SMAD3: variants seen among roughly 807,000 people sequenced by gnomAD.
SMAD3 encodes the protein MAD homolog 3.
In SMAD3, 12 loss-of-function variants were observed where a neutral mutation model predicts 51.8. The ratio of observed to expected loss-of-function variants is 0.23; its 90% CI spans 0.15 to 0.38. The LOEUF is 0.38. Among genes scored for constraint, SMAD3 ranks in the 10% least tolerant of loss-of-function variants. The pLI, the probability that SMAD3 is intolerant of heterozygous loss-of-function variation, is 1.00. For missense variants in SMAD3, 294 were observed against 565.6 expected (o/e 0.52, Z 4.87); for synonymous variants, 238 against 227.7 (o/e 1.05, Z -0.41).
intron 1 of SMAD3, among the ~76,000 whole-genome samples, chr15:67,108,392 G>A (rs1301126366): frequency 6.6e-6 from 1 of 152,112 alleles, no homozygotes; most frequent in Admixed American, 6.5e-5. Context: ...CCTGTGCCAA[G>A]CCATTTCTTG....
At chr15:67,078,519 A>G (rs912707987) in intron 1 of SMAD3, among the ~76,000 whole-genome samples, 2 of 152,220 alleles carry the variant, frequency 1.3e-5, no homozygotes, top group Non-Finnish European at 2.9e-5. Context: ...TTAATGAGAG[A>G]CTAAAACAGC....
chr15:67,171,420 C>A (rs1015424879), intron 5 of SMAD3, among the ~76,000 whole-genome samples: 29 of 152,266 alleles, frequency 1.9e-4, no homozygotes, highest in Admixed American at 1.7e-3. Flanking sequence ...TGGCATGGAA[C>A]CTGCCAAAGG....
intron 1 of SMAD3, among the ~76,000 whole-genome samples, chr15:67,138,915 T>C (rs1027837271): frequency 1.3e-5 from 2 of 152,228 alleles, no homozygotes; most frequent in African/African-American, 4.8e-5. Flanking sequence ...ACTCTTTTAG[T>C]GGAATTTGAT....
chr15:67,103,724 C>T (rs74687525), intron 1 of SMAD3, among the ~76,000 whole-genome samples: 2,836 of 152,238 alleles, frequency 0.019, 84 homozygotes, highest in African/African-American at 0.064. Flanking sequence ...CATAGCACAA[C>T]AAGGAGCTGG....
intron 1 of SMAD3, among the ~76,000 whole-genome samples, chr15:67,150,956 A>G (rs1375265845): frequency 7.0e-6 from 1 of 142,180 alleles, no homozygotes; most frequent in Admixed American, 7.6e-5. Context: ...CCCAGGTTCA[A>G]GTGATTCTCT....
chr15:67,149,504 T>A (rs1962070189), intron 1 of SMAD3, among the ~76,000 whole-genome samples: 1 of 152,188 alleles, frequency 6.6e-6, no homozygotes, highest in Admixed American at 6.5e-5. Flanking sequence ...GAGGCCGGCT[T>A]AATCGAGGAG....
chr15:67,190,397 T>A lies in SMAD3; in HGVS notation c.1155-16T>A. 1 of 1,613,422 alleles carries A rather than the reference T, an allele frequency of 6.2e-7. No individual in the cohort carries two copies. Among genetic ancestry groups the A allele is most frequent in the East Asian group, 2.2e-5 (1 of 44,860 alleles). ...TTTTAAGTCCCCCACCCCACCCCTT[T>A]CCCTATTTCTTACAGGAGACAGACT... On this transcript the variant is annotated splice_polypyrimidine_tract_variant and intron_variant, in intron 8 of 8. Coordinates refer to ENST00000327367, the MANE Select transcript of SMAD3 (RefSeq NM_005902.4).
At chr15:67,162,663 C>A (rs1006861832) in intron 1 of SMAD3, among the ~76,000 whole-genome samples, 5 of 152,122 alleles carry the variant, frequency 3.3e-5, no homozygotes, top group Non-Finnish European at 4.4e-5. Flanking sequence ...ATGATCCCCT[C>A]TCCAGTCCTT....
intron 5 of SMAD3, among the ~76,000 whole-genome samples, chr15:67,180,134 C>G (rs1963012645): frequency 2.0e-5 from 3 of 152,126 alleles, no homozygotes; most frequent in Admixed American, 1.3e-4. Flanking sequence ...GGGCTCGCGC[C>G]CAGCAGTCAG....
chr15:67,138,132 T>C, intron 1 of SMAD3: 2 of 1,514,894 alleles, frequency 1.3e-6, no homozygotes, highest in Non-Finnish European at 1.8e-6. Flanking sequence ...ATGTCTTTTC[T>C]CTTTCTTGAA....
At chr15:67,086,104 A>C (rs199709659) in intron 1 of SMAD3, among the ~76,000 whole-genome samples, 1 of 146,492 alleles carries the variant, frequency 6.8e-6, no homozygotes, top group East Asian at 2.1e-4. Context: ...GGGGTGGTGC[A>C]GGGGGGTGGA....
intron 1 of SMAD3, among the ~76,000 whole-genome samples, chr15:67,157,549 C>T (rs1392887766): frequency 6.6e-6 from 1 of 152,218 alleles, no homozygotes; most frequent in African/African-American, 2.4e-5. Context: ...GTGCCTGGCA[C>T]GTAGTTCATG....
chr15:67,078,354 G>A (rs960840646), intron 1 of SMAD3, among the ~76,000 whole-genome samples: 1 of 152,182 alleles, frequency 6.6e-6, no homozygotes, highest in African/African-American at 2.4e-5. Flanking sequence ...CATATGGACC[G>A]TCTCTGGTCA....
intron 1 of SMAD3, among the ~76,000 whole-genome samples, chr15:67,106,501 C>T (rs968506031): frequency 6.6e-6 from 1 of 152,180 alleles, no homozygotes; most frequent in Non-Finnish European, 1.5e-5. Context: ...TACACTCTCT[C>T]ACAGAGACTG....
intron 1 of SMAD3, among the ~76,000 whole-genome samples, chr15:67,096,466 A>G (rs1483074640): frequency 5.3e-5 from 8 of 152,252 alleles, no homozygotes; most frequent in African/African-American, 1.9e-4. Flanking sequence ...TAAAACTGGC[A>G]TCACACAATA....
chr15:67,143,082 T>C (rs1291569526), intron 1 of SMAD3: 3 of 211,362 alleles, frequency 1.4e-5, no homozygotes, highest in East Asian at 1.6e-4. Context: ...CTTGGGATGC[T>C]TTGCCTGTCA....
chr15:67,162,249 C>A (rs1224761314), intron 1 of SMAD3, among the ~76,000 whole-genome samples: 1 of 152,138 alleles, frequency 6.6e-6, no homozygotes, highest in Non-Finnish European at 1.5e-5. Flanking sequence ...TGTATTCAGG[C>A]AAATGGGTGC....
chr15:67,093,251 C>T (rs1960546206), intron 1 of SMAD3, among the ~76,000 whole-genome samples: 1 of 152,198 alleles, frequency 6.6e-6, no homozygotes. Context: ...TCTGTAAAAC[C>T]TCTATGTTGA....
At chr15:67,067,518 C>T (rs971265513) in intron 1 of SMAD3, among the ~76,000 whole-genome samples, 5 of 152,202 alleles carry the variant, frequency 3.3e-5, no homozygotes. Flanking sequence ...CAGGGACTGT[C>T]AGCCGCAAAG....
Sources: gnomAD v4.1 joint callset for allele counts (sites outside exome capture counted in the v4.1 genomes callset) on GRCh38, gnomAD v4.1.1 for gene constraint, MANE v1.5 for transcripts, NCBI Gene and HGNC (gene_info 2026-07-23, HGNC 2026-07-21) for gene names.